CRPPA: variants seen among roughly 807,000 people sequenced by gnomAD.
CRPPA encodes D-ribitol-5-phosphate cytidylyltransferase.
In CRPPA, 43 loss-of-function variants were observed where a neutral mutation model predicts 52.0. The ratio of observed to expected loss-of-function variants is 0.83; its 90% CI spans 0.65 to 1.07. CRPPA has a LOEUF of 1.07. Among genes scored for constraint, CRPPA ranks in the 50% least tolerant of loss-of-function variants. CRPPA has a pLI of 0.00. For synonymous variants in CRPPA, 250 were observed against 203.5 expected (o/e 1.23, Z -1.94); for missense variants, 629 against 551.7 (o/e 1.14, Z -1.40).
intron 5 of CRPPA, among the ~76,000 whole-genome samples, chr7:16,283,525 A>G (rs1394686830): frequency 2.0e-5 from 3 of 150,798 alleles, no homozygotes; most frequent in Admixed American, 6.6e-5. Flanking sequence ...ATCTATGTGT[A>G]TATATATATC....
chr7:16,344,109 G>A (rs954804598), intron 3 of CRPPA, among the ~76,000 whole-genome samples: 2 of 152,236 alleles, frequency 1.3e-5, no homozygotes, highest in Admixed American at 6.5e-5. Context: ...CCTAGGGAGA[G>A]GAGATCTGAT....
chr7:16,259,142 A>G, intron 6 of CRPPA, 130 bp from the exon 7 acceptor site: 1 of 349,156 alleles, frequency 2.9e-6, no homozygotes, highest in South Asian at 3.3e-5. Flanking sequence ...AAAAAATGAA[A>G]CATGCTGAAG....
In CRPPA at chr7:16,132,415, A is replaced by G. The variant is rs746679794; in HGVS notation, c.1252-40616T>C. The stretch of plus-strand genomic sequence containing the variant: ...TGAGTCTTAGATACATAATGAAGAA[A>G]GCATATATAGAATTCTCTCGTTGAA... On this transcript the variant is annotated intron_variant, in intron 9 of 9. Transcript: ENST00000407010. Among the ~76,000 whole-genome samples the G allele has an allele frequency of 2.4e-5, 3 of 125,316 alleles. 1 individual carries two copies. Among genetic ancestry groups the G allele is most frequent in the South Asian group, 3.9e-4 (1 of 2,594 alleles). The allele number at this position is 125,316 out of a possible 152,430, so 82.2% of individuals were successfully genotyped here.
rs1162539291 is a variant in CRPPA at position 16,307,910 on chromosome 7, G to C, written c.789+613C>G. 7.7e-5 allele frequency among the ~76,000 whole-genome samples: 5 copies of C among 64,824 alleles called. No homozygotes were observed. The Admixed American group carries it at 8.9e-4, about 12-fold the overall frequency. The allele number at this position is 64,824 out of a possible 152,430, so 42.5% of individuals were successfully genotyped here. A position where few individuals can be genotyped will look rare whatever the true frequency, so the allele number is the denominator to read the frequency against. On this transcript the variant is annotated intron_variant, in intron 4 of 9. Coordinates refer to ENST00000407010, the MANE Select transcript of CRPPA (RefSeq NM_001101426.4). ...AAAGTTGTAGCTTTAATCAAACTGA[G>C]TGAAGAAAAAAAAAAAAAAAAAAGG...
chr7:16,420,669 T>G (rs1261049322), intron 1 of CRPPA, among the ~76,000 whole-genome samples: 1 of 152,198 alleles, frequency 6.6e-6, no homozygotes, highest in African/African-American at 2.4e-5. Context: ...AACTTCAGTG[T>G]GCACGTACAA....
intron 3 of CRPPA, among the ~76,000 whole-genome samples, chr7:16,335,000 T>C (rs1785642808): frequency 6.6e-6 from 1 of 151,552 alleles, no homozygotes; most frequent in African/African-American, 2.4e-5. Flanking sequence ...GTGAAATGAC[T>C]CAAAAAGAAC....
intron 3 of CRPPA, among the ~76,000 whole-genome samples, chr7:16,339,228 A>G (rs1001926287): frequency 1.3e-5 from 2 of 152,194 alleles, no homozygotes; most frequent in Non-Finnish European, 2.9e-5. Flanking sequence ...CCAAAAACAA[A>G]AAAAGACATT....
chr7:16,111,401 T>C (rs1183828180), intron 9 of CRPPA, among the ~76,000 whole-genome samples: 1 of 152,144 alleles, frequency 6.6e-6, no homozygotes, highest in African/African-American at 2.4e-5. Context: ...ACCACGTAAT[T>C]CTGAAATCCC....
chr7:16,130,455 TAA>T (rs916936472), intron 9 of CRPPA, among the ~76,000 whole-genome samples: 2 of 151,884 alleles, frequency 1.3e-5, no homozygotes, highest in Non-Finnish European at 2.9e-5. Context: ...ATTTAATTCT[TAA>T]AACAGAATTA....
chr7:16,252,060 C>T (rs1783470974), intron 8 of CRPPA, among the ~76,000 whole-genome samples: 1 of 152,158 alleles, frequency 6.6e-6, no homozygotes. Flanking sequence ...ACGACTGCAT[C>T]AGCATCATCC....
At chr7:16,113,418 G>A (rs567034312) in intron 9 of CRPPA, among the ~76,000 whole-genome samples, 1 of 151,952 alleles carries the variant, frequency 6.6e-6, no homozygotes, top group Non-Finnish European at 1.5e-5. Context: ...ATAATTTATG[G>A]TTGTAAATTT....
intron 6 of CRPPA, among the ~76,000 whole-genome samples, chr7:16,272,623 C>T (rs576655248): frequency 2.0e-5 from 3 of 152,188 alleles, no homozygotes; most frequent in Non-Finnish European, 4.4e-5. Flanking sequence ...TGAAAAATGT[C>T]ATGAGATAAA....
At chr7:16,244,384 TA>T (rs1480217506) in intron 8 of CRPPA, among the ~76,000 whole-genome samples, 8 of 152,312 alleles carry the variant, frequency 5.3e-5, no homozygotes, top group Non-Finnish European at 7.4e-5. Flanking sequence ...CACCATTAAC[TA>T]TCCACTCACT....
intron 5 of CRPPA, 32 bp downstream of exon 5, chr7:16,301,389 A>G (rs1784786485): frequency 6.3e-7 from 1 of 1,588,378 alleles, no homozygotes. Flanking sequence ...TTTTTGAAAC[A>G]CAGGAACTGA....
chr7:16,201,944 T>A (rs983458394), intron 9 of CRPPA, among the ~76,000 whole-genome samples: 15 of 152,198 alleles, frequency 9.9e-5, no homozygotes, highest in Non-Finnish European at 1.9e-4. Flanking sequence ...GCCATTCTTT[T>A]CTTGCTCTTC....
intron 3 of CRPPA, among the ~76,000 whole-genome samples, chr7:16,331,119 C>T (rs1218333607): frequency 6.6e-6 from 1 of 152,180 alleles, no homozygotes; most frequent in African/African-American, 2.4e-5. Flanking sequence ...CCTGCCTCAG[C>T]CTCCCGAGTA....
At chr7:16,116,587 A>G (rs1324907525) in intron 9 of CRPPA, among the ~76,000 whole-genome samples, 1 of 147,358 alleles carries the variant, frequency 6.8e-6, no homozygotes, top group Non-Finnish European at 1.5e-5. Flanking sequence ...GCTTGAACCC[A>G]GGAGATGGAG....
At chr7:16,238,998 G>A (rs373979872) in intron 8 of CRPPA, among the ~76,000 whole-genome samples, 1 of 151,834 alleles carries the variant, frequency 6.6e-6, no homozygotes, top group East Asian at 1.9e-4. Flanking sequence ...AATTAGCCAG[G>A]TGTGGTGGCA....
chr7:16,211,495 G>A (rs950839212), intron 9 of CRPPA, among the ~76,000 whole-genome samples: 6 of 152,134 alleles, frequency 3.9e-5, no homozygotes, highest in African/African-American at 7.2e-5. Context: ...TGTGTGTTTA[G>A]TAAATAATTC....
Sources: allele counts gnomAD v4.1 joint callset (sites outside exome capture counted in the v4.1 genomes callset), GRCh38; gene constraint gnomAD v4.1.1; transcripts MANE v1.5; gene names NCBI Gene and HGNC (gene_info 2026-07-23, HGNC 2026-07-21).